Variants in CCDC73 observed in about 807,000 individuals in gnomAD.
CCDC73 encodes the protein coiled-coil domain-containing protein 73.
Under a neutral mutation model 116.5 loss-of-function variants are expected in CCDC73, and 95 were observed. That is an observed-to-expected ratio of 0.82 (90% CI 0.69 to 0.97). The LOEUF is 0.97. Ranked by LOEUF, CCDC73 falls within the 50% of genes least tolerant of loss-of-function variation. The pLI is 0.00. For missense variants in CCDC73, 1,066 were observed against 1,206.8 expected, an observed-to-expected ratio of 0.88 and a Z score of 1.73; for synonymous variants, 398 against 401.3, an observed-to-expected ratio of 0.99 and a Z score of 0.10.
chr11:32,810,998 G>A, the CCDC73 span, among the ~76,000 whole-genome samples: 5,402 of 151,672 alleles, frequency 0.036, 130 homozygotes, highest in East Asian at 0.12. Context: ...GGGCATGGTG[G>A]CACAGTGGCA....
the CCDC73 span, chr11:32,829,873 C>T: frequency 9.4e-5 from 93 of 985,412 alleles, no homozygotes; most frequent in South Asian, 5.6e-4. Context: ...GTAGGCCCGG[C>T]CCCCGGGAGG....
At chr11:32,721,776 T>C (rs1355422786) in intron 2 of CCDC73, among the ~76,000 whole-genome samples, 1 of 151,956 alleles carries the variant, frequency 6.6e-6, no homozygotes, top group Non-Finnish European at 1.5e-5. Flanking sequence ...TTTTTGTATT[T>C]TTAGTAGAGA....
intron 1 of CCDC73, among the ~76,000 whole-genome samples, chr11:32,785,033 G>A (rs1190968673): frequency 1.3e-5 from 2 of 152,088 alleles, no homozygotes; most frequent in Non-Finnish European, 2.9e-5. Context: ...AGGCGTGGTG[G>A]TGGGCGCCTG....
intron 17 of CCDC73, 143 bp downstream of exon 17, chr11:32,610,989 T>G: frequency 1.4e-6 from 1 of 715,558 alleles, no homozygotes; most frequent in Non-Finnish European, 2.3e-6. Flanking sequence ...CAACCTTAAT[T>G]GTGAAAAATG....
At chr11:32,795,072 G>A (rs1272978386), upstream of CCDC73, among the ~76,000 whole-genome samples, 1 of 152,200 alleles carries the variant, frequency 6.6e-6, no homozygotes, top group African/African-American at 2.4e-5. Flanking sequence ...GCAATGGGAA[G>A]TGTGTGGATG....
At chr11:32,633,907 C>T (rs1161071966) in intron 14 of CCDC73, among the ~76,000 whole-genome samples, 3 of 152,274 alleles carry the variant, frequency 2.0e-5, no homozygotes, top group Non-Finnish European at 4.4e-5. Context: ...AGTTTCCAGG[C>T]ATCAGCCAGG....
chr11:32,629,243 T>G (rs1443106709), intron 14 of CCDC73, among the ~76,000 whole-genome samples: 2 of 151,942 alleles, frequency 1.3e-5, no homozygotes, highest in African/African-American at 4.8e-5. Flanking sequence ...AAAAAAAAAT[T>G]GAAGAAATGA....
intron 1 of CCDC73, among the ~76,000 whole-genome samples, chr11:32,769,706 T>G (rs147766206): frequency 1.9e-3 from 287 of 152,290 alleles, no homozygotes; most frequent in African/African-American, 6.7e-3. Context: ...TCTCTATGAC[T>G]CAGCAATTGC....
chr11:32,760,988 T>C (rs1850386985), intron 1 of CCDC73, among the ~76,000 whole-genome samples: 1 of 152,192 alleles, frequency 6.6e-6, no homozygotes, highest in Admixed American at 6.5e-5. Context: ...CATGTGTCTG[T>C]GTGTATATAT....
At chr11:32,745,792 A>G (rs1482095292) in intron 2 of CCDC73, among the ~76,000 whole-genome samples, 1 of 127,286 alleles carries the variant, frequency 7.9e-6, no homozygotes, top group Non-Finnish European at 1.6e-5. Flanking sequence ...ATCCTCCTCC[A>G]TCCCTTTATT....
intron 2 of CCDC73, among the ~76,000 whole-genome samples, chr11:32,728,862 ACT>A (rs966354563): frequency 2.6e-5 from 4 of 151,676 alleles, no homozygotes; most frequent in Non-Finnish European, 5.9e-5. Context: ...GCACCACCAC[ACT>A]CGACTAATTT....
At position 32,736,939 on chromosome 11, in the gene CCDC73, C is replaced by CAT. The variant is rs35223301; in HGVS notation, c.136-18794_136-18793dup. On this transcript the variant is annotated intron_variant, in intron 2 of 17. Coordinates refer to ENST00000335185, the MANE Select transcript of CCDC73 (RefSeq NM_001008391.4). ...AAAAAGCAAACACCACATGTTCTCACATATATATATATATACACACATATA... is the reference window on the plus strand; with the variant it reads ...AAAAAGCAAACACCACATGTTCTCACATATATATATATATATACACACATATA... 4.0e-4 allele frequency among the ~76,000 whole-genome samples: 58 copies of CAT among 146,778 alleles called. 1 individual carries two copies. Among genetic ancestry groups the CAT allele is most frequent in the South Asian group, 8.6e-4 (4 of 4,662 alleles).
intron 8 of CCDC73, 106 bp downstream of exon 8, chr11:32,675,780 A>C (rs1590587243): frequency 8.2e-7 from 1 of 1,222,440 alleles, no homozygotes; most frequent in South Asian, 1.4e-5. Context: ...ATTAACTGCC[A>C]TTTACTATTA....
chr11:32,614,522 T>C lies in CCDC73; in HGVS notation c.1796A>G (p.Glu599Gly). ...AAGCAATCTGAATTGTTTGAATGGC[T>C]CATTTTCAGAAACATCTTTATTATT... ...HNNNKDVSEN[E>G]PFKQFRLLPG... The change falls in exon 16 of 18, where the codon GAG becomes GGG. Residue 599 changes from glutamate to glycine, a missense_variant. Physicochemically the swap from Glu to Gly is moderately conservative, Grantham distance 98. Transcript: ENST00000335185. The C allele has an allele frequency of 6.2e-7, 1 of 1,613,272 alleles. No homozygotes were observed. The highest frequency in any genetic ancestry group is 8.5e-7 in the Non-Finnish European group (1 of 1,179,456).
At chr11:32,647,087 C>A (rs533427442) in intron 12 of CCDC73, among the ~76,000 whole-genome samples, 2 of 152,156 alleles carry the variant, frequency 1.3e-5, no homozygotes, top group East Asian at 3.9e-4. Context: ...ATATTGGAGG[C>A]TGTATTAGGT....
At position 32,755,641 on chromosome 11, in the gene CCDC73, GTGTATATATATATCTCCATATATA is replaced by G. The variant is rs1565094178; in HGVS notation, c.135+4444_135+4467del. On this transcript the variant is annotated intron_variant, in intron 2 of 17. Transcript: ENST00000335185. ...TGTATATATATATCTCCATATATATGTGTATATATATATCTCCATATATATGTGTATATATATATCTCCATATAT... is the reference window on the plus strand; with the variant it reads ...TGTATATATATATCTCCATATATATGTGTGTATATATATATCTCCATATAT... Among the ~76,000 whole-genome samples the G allele has an allele frequency of 1.4e-3, 136 of 94,636 alleles. 3 individuals carry two copies. Among genetic ancestry groups the G allele is most frequent in the East Asian group, 5.5e-3 (16 of 2,892 alleles). 62.1% of individuals were successfully genotyped at this position (94,636 alleles called of 152,430 possible).
At chr11:32,796,705 A>T (rs1850730501), upstream of CCDC73, among the ~76,000 whole-genome samples, 1 of 152,046 alleles carries the variant, frequency 6.6e-6, no homozygotes, top group East Asian at 1.9e-4. Context: ...ATAGGATGTG[A>T]TGCCCTTATA....
At chr11:32,748,388 A>G (rs1013552181) in intron 2 of CCDC73, among the ~76,000 whole-genome samples, 2 of 152,224 alleles carry the variant, frequency 1.3e-5, no homozygotes, top group Admixed American at 6.5e-5. Flanking sequence ...TACTGATTGC[A>G]TAAACAAACA....
At chr11:32,656,656 G>A (rs1855876637) in intron 9 of CCDC73, among the ~76,000 whole-genome samples, 1 of 152,166 alleles carries the variant, frequency 6.6e-6, no homozygotes, top group Non-Finnish European at 1.5e-5. Context: ...GTGATATACA[G>A]TATTCAAAAG....
Sources: allele counts gnomAD v4.1 joint callset (sites outside exome capture counted in the v4.1 genomes callset), GRCh38; gene constraint gnomAD v4.1.1; transcripts MANE v1.5; gene names NCBI Gene and HGNC (gene_info 2026-07-23, HGNC 2026-07-21).